The following SLC44A3 variants were observed in gnomAD, a reference collection of about 807,000 sequenced individuals.
SLC44A3 encodes solute carrier family 44 member 3.
In SLC44A3, 74 loss-of-function variants were observed where a neutral mutation model predicts 75.4. The observed-to-expected ratio is 0.98, with a 90% CI of 0.81 to 1.19. SLC44A3 has a LOEUF of 1.19. Ranked by LOEUF, SLC44A3 falls within the 50% of genes most tolerant of loss-of-function variation. SLC44A3 has a pLI of 0.00. For synonymous variants in SLC44A3, 310 were observed against 296.9 expected (o/e 1.04, Z -0.45); for missense variants, 700 against 778.6 (o/e 0.90, Z 1.20).
intron 11 of SLC44A3, among the ~76,000 whole-genome samples, chr1:94,866,709 C>T (rs1253166235): frequency 6.6e-6 from 1 of 152,190 alleles, no homozygotes; most frequent in Non-Finnish European, 1.5e-5. Flanking sequence ...GGGATGTGTT[C>T]ACTCTGGAGA....
At chr1:94,848,989 C>T (rs1419746189) in intron 9 of SLC44A3, among the ~76,000 whole-genome samples, 1 of 151,998 alleles carries the variant, frequency 6.6e-6, no homozygotes, top group East Asian at 1.9e-4. Context: ...AGAGCCCAGG[C>T]CAGTGAAGTC....
chr1:94,842,915 T>C (rs759031096), intron 8 of SLC44A3, among the ~76,000 whole-genome samples: 2 of 152,222 alleles, frequency 1.3e-5, no homozygotes, highest in Non-Finnish European at 2.9e-5. Flanking sequence ...GTTTTCACAT[T>C]TTCTCCTTTC....
intron 11 of SLC44A3, among the ~76,000 whole-genome samples, chr1:94,866,591 C>G (rs1265721763): frequency 1.3e-5 from 2 of 152,118 alleles, no homozygotes; most frequent in Non-Finnish European, 2.9e-5. Context: ...TGAAAAGTGT[C>G]CAGATCAAGT....
chr1:94,891,118 C>A lies in SLC44A3; in HGVS notation c.1483-12C>A, dbSNP rs371262661. On this transcript the variant is annotated splice_polypyrimidine_tract_variant and intron_variant, in intron 12 of 14. Transcript: ENST00000271227. The stretch of plus-strand genomic sequence containing the variant: ...TAAGAATTATCTTTTAAACAATTCT[C>A]TTCTGTTTCAGAATGCATATACTAC... 9 of 1,588,918 alleles carry A rather than the reference C, an allele frequency of 5.7e-6. No individual in the cohort carries two copies. The African/African-American group carries it at 1.1e-4, about 19-fold the overall frequency.
intron 12 of SLC44A3, among the ~76,000 whole-genome samples, chr1:94,871,420 C>T (rs747954690): frequency 6.6e-6 from 1 of 152,176 alleles, no homozygotes; most frequent in Non-Finnish European, 1.5e-5. Context: ...GCAAAGGGAC[C>T]TTACAGCCTC....
At chr1:94,846,289 G>T (rs1664397477) in intron 9 of SLC44A3, among the ~76,000 whole-genome samples, 1 of 152,130 alleles carries the variant, frequency 6.6e-6, no homozygotes, top group Non-Finnish European at 1.5e-5. Context: ...CTTCACCAGG[G>T]CTATTTCTCA....
chr1:94,849,400 TC>T (rs1306668832), intron 9 of SLC44A3, among the ~76,000 whole-genome samples: 1 of 152,050 alleles, frequency 6.6e-6, no homozygotes, highest in Non-Finnish European at 1.5e-5. Context: ...AAATCACCCG[TC>T]CCCTCCTTCC....
At chr1:94,875,418 G>A (rs1446382894) in intron 12 of SLC44A3, among the ~76,000 whole-genome samples, 1 of 152,150 alleles carries the variant, frequency 6.6e-6, no homozygotes, top group Admixed American at 6.5e-5. Context: ...GGAATCTGGG[G>A]TCCAGAGGGT....
At position 94,820,496 on chromosome 1, in the gene SLC44A3, C is replaced by G. The variant is rs970674805; in HGVS notation, c.27+18C>G. The stretch of plus-strand genomic sequence containing the variant: ...AGTACCTGGTAAGCGCTCGCAGCCT[C>G]GGCCCTCGGGGGAGGAGCCCCGGGG... On this transcript the variant is annotated intron_variant, in intron 1 of 14. Transcript: ENST00000271227. The G allele has an allele frequency of 6.7e-7, 1 of 1,492,034 alleles. No individual in the cohort carries two copies. Among genetic ancestry groups the G allele is most frequent in the Non-Finnish European group, 8.9e-7 (1 of 1,122,750 alleles). 92.4% of individuals were successfully genotyped at this position (1,492,034 alleles called of 1,614,324 possible).
At chr1:94,886,552 C>T (rs1669612529) in intron 12 of SLC44A3, among the ~76,000 whole-genome samples, 1 of 152,146 alleles carries the variant, frequency 6.6e-6, no homozygotes, top group South Asian at 2.1e-4. Context: ...CTGGGGCCAG[C>T]TCGTATGCCA....
chr1:94,883,247 T>C (rs1461845786), intron 12 of SLC44A3, among the ~76,000 whole-genome samples: 1 of 152,078 alleles, frequency 6.6e-6, no homozygotes, highest in Admixed American at 6.6e-5. Flanking sequence ...ATACCTATAA[T>C]GCCAGCACTT....
chr1:94,843,970 C>T (rs904526112), intron 8 of SLC44A3, among the ~76,000 whole-genome samples: 11 of 151,896 alleles, frequency 7.2e-5, no homozygotes, highest in Admixed American at 4.6e-4. Flanking sequence ...GTGGCATCAG[C>T]GGTGGAAACA....
At chr1:94,889,553 C>CACACACACACACACACACACA (rs370393089) in intron 12 of SLC44A3, among the ~76,000 whole-genome samples, 10 of 149,428 alleles carry the variant, frequency 6.7e-5, no homozygotes, top group Non-Finnish European at 5.9e-5. Context: ...CACACACACA[C>CACACACACACACACACACACA]ATTTGTAGTC....
intron 5 of SLC44A3, among the ~76,000 whole-genome samples, chr1:94,832,647 G>A (rs1662275123): frequency 6.6e-6 from 1 of 152,128 alleles, no homozygotes; most frequent in African/African-American, 2.4e-5. Flanking sequence ...GTCACTTTAA[G>A]TTGCAACAGA....
intron 12 of SLC44A3, among the ~76,000 whole-genome samples, chr1:94,875,887 C>T (rs1187292667): frequency 1.3e-5 from 2 of 152,182 alleles, no homozygotes; most frequent in East Asian, 3.8e-4. Context: ...TCTAGGTACA[C>T]TGGAAATATG....
intron 12 of SLC44A3, among the ~76,000 whole-genome samples, chr1:94,886,902 T>A (rs1669652543): frequency 6.6e-6 from 1 of 152,108 alleles, no homozygotes; most frequent in African/African-American, 2.4e-5. Context: ...ATCTGTCTTG[T>A]GTGTTTATAG....
At chr1:94,868,383 A>G (rs1667397831) in intron 12 of SLC44A3, among the ~76,000 whole-genome samples, 1 of 152,218 alleles carries the variant, frequency 6.6e-6, no homozygotes, top group Admixed American at 6.5e-5. Flanking sequence ...TATTTAGAAT[A>G]CTTTTCATTA....
intron 12 of SLC44A3, among the ~76,000 whole-genome samples, chr1:94,888,035 G>A (rs535669676): frequency 5.2e-4 from 79 of 152,268 alleles, no homozygotes; most frequent in African/African-American, 1.9e-3. Context: ...TGCTTTACAG[G>A]GAGTAGGTTC....
At chr1:94,828,084 T>C (rs984516281) in intron 4 of SLC44A3, among the ~76,000 whole-genome samples, 4 of 152,174 alleles carry the variant, frequency 2.6e-5, no homozygotes, top group African/African-American at 4.8e-5. Flanking sequence ...CACTGAGCAG[T>C]GGGATGTCAC....
Sources: gnomAD v4.1 joint callset for allele counts (sites outside exome capture counted in the v4.1 genomes callset) on GRCh38, gnomAD v4.1.1 for gene constraint, MANE v1.5 for transcripts, NCBI Gene and HGNC (gene_info 2026-07-23, HGNC 2026-07-21) for gene names.